Variants in LMBR1 observed in about 807,000 individuals in gnomAD.
The protein encoded by LMBR1 is limb region 1 protein homolog.
Under a neutral mutation model 73.9 loss-of-function variants are expected in LMBR1, and 52 were observed. The observed-to-expected ratio is 0.70, with a 90% CI of 0.56 to 0.89. LMBR1 has a LOEUF of 0.89. Among genes scored for constraint, LMBR1 ranks in the 40% least tolerant of loss-of-function variants. The probability of loss-of-function intolerance (pLI) is 0.00; values close to 1 mark genes in which losing one functional copy is unlikely to be tolerated. For missense variants in LMBR1, 539 were observed against 579.8 expected, an observed-to-expected ratio of 0.93 and a Z score of 0.72; for synonymous variants, 215 against 209.4, an observed-to-expected ratio of 1.03 and a Z score of -0.23.
chr7:156,835,381 T>A (rs1158813088), intron 2 of LMBR1, among the ~76,000 whole-genome samples: 3 of 152,138 alleles, frequency 2.0e-5, no homozygotes, highest in Admixed American at 2.0e-4. Flanking sequence ...TTATATACTG[T>A]TGTGCTCACA....
intron 4 of LMBR1, chr7:156,823,763 GT>G (rs1249277830): frequency 6.6e-6 from 1 of 152,168 alleles, no homozygotes; most frequent in Non-Finnish European, 1.5e-5. Flanking sequence ...AATATTAAAG[GT>G]TTTAAAGGTA....
At chr7:156,840,777 G>A (rs904461839) in intron 1 of LMBR1, among the ~76,000 whole-genome samples, 3 of 147,816 alleles carry the variant, frequency 2.0e-5, no homozygotes, top group Non-Finnish European at 4.5e-5. Flanking sequence ...GACTAACATG[G>A]TGAAACCCCG....
At position 156,789,696 on chromosome 7, in the gene LMBR1, G is replaced by A. The variant is rs539978774; in HGVS notation, c.423+6693C>T. Among the ~76,000 whole-genome samples, 9 of 152,312 alleles carry A rather than the reference G, an allele frequency of 5.9e-5. No individual in the cohort carries two copies. In the South Asian group the frequency reaches 1.4e-3, roughly 25 times the overall value. On this transcript the variant is annotated intron_variant, in intron 5 of 16. Coordinates refer to ENST00000353442, the MANE Select transcript of LMBR1 (RefSeq NM_022458.4). Reference sequence around the variant, plus strand: ...CAATTCAACCCCTAGCCTCTCTGGTGAGCTCTTGTCCTGCAGGCCTGTGGT... The same window carrying A: ...CAATTCAACCCCTAGCCTCTCTGGTAAGCTCTTGTCCTGCAGGCCTGTGGT...
intron 1 of LMBR1, among the ~76,000 whole-genome samples, chr7:156,858,793 G>A (rs1797327765): frequency 1.3e-5 from 2 of 151,696 alleles, no homozygotes; most frequent in African/African-American, 2.4e-5. Flanking sequence ...CACACCAACA[G>A]GCTAAAGATG....
At chr7:156,852,621 C>T (rs1168980029) in intron 1 of LMBR1, among the ~76,000 whole-genome samples, 1 of 152,170 alleles carries the variant, frequency 6.6e-6, no homozygotes, top group Non-Finnish European at 1.5e-5. Context: ...TTGCCTTTTG[C>T]TAAACAGGGT....
intron 1 of LMBR1, among the ~76,000 whole-genome samples, chr7:156,872,763 G>A (rs187527750): frequency 1.6e-4 from 24 of 152,264 alleles, no homozygotes; most frequent in Admixed American, 5.9e-4. Context: ...GAGGAAAAAC[G>A]GCAGATGGGA....
chr7:156,834,622 T>C (rs763879058), intron 2 of LMBR1: 2 of 212,388 alleles, frequency 9.4e-6, no homozygotes, highest in South Asian at 6.8e-5. Flanking sequence ...ATTGTATATA[T>C]ATATTTAGAA....
intron 1 of LMBR1, among the ~76,000 whole-genome samples, chr7:156,884,637 C>A (rs1355571615): frequency 6.6e-6 from 1 of 152,038 alleles, no homozygotes; most frequent in Admixed American, 6.6e-5. Context: ...AAGCCCAAAT[C>A]CCATTTGAAA....
intron 9 of LMBR1, among the ~76,000 whole-genome samples, chr7:156,745,225 A>C (rs1236444178): frequency 2.0e-5 from 3 of 151,970 alleles, no homozygotes; most frequent in Non-Finnish European, 4.4e-5. Flanking sequence ...TTCTGTTCTA[A>C]TGACATTTCC....
At chr7:156,686,652 T>C (rs182411385) in intron 16 of LMBR1, among the ~76,000 whole-genome samples, 1 of 152,222 alleles carries the variant, frequency 6.6e-6, no homozygotes, top group Non-Finnish European at 1.5e-5. Context: ...AGGCCTTTTA[T>C]ATCAGGTTAT....
chr7:156,855,255 A>T (rs1796782180), intron 1 of LMBR1, among the ~76,000 whole-genome samples: 1 of 152,244 alleles, frequency 6.6e-6, no homozygotes, highest in South Asian at 2.1e-4. Context: ...AATATACTGT[A>T]ACAGAAATGA....
At chr7:156,872,000 G>A (rs1298377881) in intron 1 of LMBR1, 1 of 152,140 alleles carries the variant, frequency 6.6e-6, no homozygotes, top group Non-Finnish European at 1.5e-5. Flanking sequence ...AGGTAAAACT[G>A]TCCATTTGCA....
downstream of LMBR1, among the ~76,000 whole-genome samples, chr7:156,672,821 G>A (rs538995024): frequency 6.6e-6 from 1 of 152,358 alleles, no homozygotes; most frequent in East Asian, 1.9e-4. Context: ...GGAGTTGGGA[G>A]GTGACACCTC....
chr7:156,801,553 G>A (rs1012398107), intron 4 of LMBR1, among the ~76,000 whole-genome samples: 2 of 152,136 alleles, frequency 1.3e-5, no homozygotes, highest in African/African-American at 4.8e-5. Flanking sequence ...GCATTGTTCT[G>A]GATACGTTAA....
intron 4 of LMBR1, among the ~76,000 whole-genome samples, chr7:156,672,532 G>C (rs1802783002): frequency 6.6e-6 from 1 of 152,200 alleles, no homozygotes; most frequent in South Asian, 2.1e-4. Context: ...TAAAGTGTTT[G>C]AAGGAAAATG....
intron 5 of LMBR1, among the ~76,000 whole-genome samples, chr7:156,791,770 C>T (rs1354594327): frequency 3.3e-5 from 5 of 152,156 alleles, no homozygotes; most frequent in South Asian, 2.1e-4. Flanking sequence ...CCGTGTGCTA[C>T]GCTCTGGCCA....
intron 16 of LMBR1, among the ~76,000 whole-genome samples, chr7:156,684,461 G>C (rs911769407): frequency 6.6e-6 from 1 of 152,174 alleles, no homozygotes; most frequent in South Asian, 2.1e-4. Context: ...AAGGGCCATC[G>C]AAGTCACAAC....
chr7:156,734,890 T>C (rs1400049923), intron 9 of LMBR1, among the ~76,000 whole-genome samples: 2 of 152,204 alleles, frequency 1.3e-5, no homozygotes, highest in Non-Finnish European at 2.9e-5. Context: ...ATATGTATCA[T>C]ATGCATGGTT....
chr7:156,728,593 A>G (rs1201762278), intron 11 of LMBR1, 51 bp downstream of exon 11: 2 of 1,318,008 alleles, frequency 1.5e-6, no homozygotes, highest in South Asian at 2.6e-5. Flanking sequence ...CAAATGCTGA[A>G]GTAAATAAAA....
Sources: allele counts gnomAD v4.1 joint callset (sites outside exome capture counted in the v4.1 genomes callset), GRCh38; gene constraint gnomAD v4.1.1; transcripts MANE v1.5; gene names NCBI Gene and HGNC (gene_info 2026-07-23, HGNC 2026-07-21).